The following ZBTB16 variants were observed in gnomAD, a reference collection of about 807,000 sequenced individuals.
ZBTB16 encodes the protein zinc finger and BTB domain-containing protein 16.
In ZBTB16, 8 loss-of-function variants were observed where a neutral mutation model predicts 56.8. The observed-to-expected ratio is 0.14, with a 90% CI of 0.08 to 0.25. ZBTB16 has a LOEUF of 0.25. Among genes scored for constraint, ZBTB16 ranks in the 10% least tolerant of loss-of-function variants. The pLI, the probability that ZBTB16 is intolerant of heterozygous loss-of-function variation, is 1.00. For missense variants in ZBTB16, 625 were observed against 903.0 expected, an observed-to-expected ratio of 0.69 and a Z score of 3.95; for synonymous variants, 363 against 368.5, an observed-to-expected ratio of 0.98 and a Z score of 0.17.
At chr11:114,208,681 G>C (rs1943937200) in intron 4 of ZBTB16, among the ~76,000 whole-genome samples, 1 of 152,096 alleles carries the variant, frequency 6.6e-6, no homozygotes, top group South Asian at 2.1e-4. Flanking sequence ...TCTTCCGTTG[G>C]CTTCTTTTAT....
chr11:114,170,056 G>A (rs954870674), intron 3 of ZBTB16, among the ~76,000 whole-genome samples: 22 of 152,316 alleles, frequency 1.4e-4, no homozygotes, highest in African/African-American at 4.8e-4. Context: ...TTGGCCTGGA[G>A]GTTGAGAAAC....
chr11:114,069,116 C>T (rs994813267), intron 2 of ZBTB16, among the ~76,000 whole-genome samples: 4 of 152,124 alleles, frequency 2.6e-5, no homozygotes, highest in Non-Finnish European at 5.9e-5. Context: ...GATGGAGTCT[C>T]GCTCTGTCTC....
intron 4 of ZBTB16, among the ~76,000 whole-genome samples, chr11:114,227,641 G>A (rs558197022): frequency 3.2e-4 from 49 of 152,274 alleles, no homozygotes; most frequent in African/African-American, 1.2e-3. Flanking sequence ...TCTTGTGGGT[G>A]TCACAGCTGA....
rs182151103 is a variant in ZBTB16, at chr11:114,255,749, A to C, written c.*5194A>C. Among the ~76,000 whole-genome samples the C allele has an allele frequency of 3.1e-3, 475 of 151,974 alleles. 3 individuals are homozygous for C. Among genetic ancestry groups the C allele is most frequent in the African/African-American group, 9.5e-3 (395 of 41,504 alleles). ...AAAAAAAAAAGGAAAAAAAAAGAAA[A>C]AATGAATTTACTGCTGCAGGTTTTT... On this transcript the variant is annotated 3_prime_UTR_variant, in exon 7 of 7. Transcript: ENST00000335953.
At chr11:114,086,396 CT>C (rs1162275529) in intron 2 of ZBTB16, among the ~76,000 whole-genome samples, 1 of 152,104 alleles carries the variant, frequency 6.6e-6, no homozygotes, top group Non-Finnish European at 1.5e-5. Flanking sequence ...GTCTGTCTGT[CT>C]TGGTGCTTGC....
At chr11:114,238,713 C>T (rs1012259944) in intron 4 of ZBTB16, among the ~76,000 whole-genome samples, 7 of 152,146 alleles carry the variant, frequency 4.6e-5, no homozygotes, top group African/African-American at 1.7e-4. Flanking sequence ...CCTGTCCTGC[C>T]TGGCATATGC....
At chr11:114,200,422 G>A (rs1172816748) in intron 4 of ZBTB16, among the ~76,000 whole-genome samples, 4 of 152,182 alleles carry the variant, frequency 2.6e-5, no homozygotes, top group African/African-American at 9.7e-5. Context: ...GATCTTTGAG[G>A]ACTATTATTC....
At chr11:114,235,571 A>G (rs527952388) in intron 4 of ZBTB16, among the ~76,000 whole-genome samples, 1 of 151,514 alleles carries the variant, frequency 6.6e-6, no homozygotes, top group East Asian at 1.9e-4. Context: ...TCTGCCTACT[A>G]TTCCACCCTG....
chr11:114,144,400 C>T (rs1228899989), intron 2 of ZBTB16, among the ~76,000 whole-genome samples: 1 of 152,196 alleles, frequency 6.6e-6, no homozygotes, highest in Non-Finnish European at 1.5e-5. Flanking sequence ...TCTACTGGGG[C>T]ATTTACAGGC....
At chr11:114,185,153 A>C (rs1439003167) in intron 3 of ZBTB16, among the ~76,000 whole-genome samples, 1 of 152,176 alleles carries the variant, frequency 6.6e-6, no homozygotes, top group Non-Finnish European at 1.5e-5. Flanking sequence ...GGCTGCCATT[A>C]AGCTATGACT....
intron 4 of ZBTB16, among the ~76,000 whole-genome samples, chr11:114,232,874 G>A (rs914996377): frequency 6.6e-6 from 1 of 152,102 alleles, no homozygotes; most frequent in Non-Finnish European, 1.5e-5. Flanking sequence ...TGATTTATAC[G>A]GGCAGGCGTC....
rs1944896259 is a variant in ZBTB16 at position 114,250,369 on chromosome 11, G to A, written c.1836G>A (p.Arg612=). The A allele has an allele frequency of 6.2e-7, 1 of 1,613,840 alleles. No homozygotes were observed. The highest frequency in any genetic ancestry group is 8.5e-7 in the Non-Finnish European group (1 of 1,180,030). Residue 612 remains arginine, a synonymous_variant, in exon 7 of 7, where the codon CGG becomes CGA. Transcript: ENST00000335953. The surrounding 1 kb of genome is among the most constrained non-coding windows in gnomAD (Gnocchi z 6.0). The part of the protein sequence containing the change: ...FECKLCHQRS[R]DYSAMIKHLR... The stretch of plus-strand genomic sequence containing the variant: ...GTAAGCTCTGCCACCAGCGCTCCCG[G>A]GACTACTCGGCCATGATCAAGCACC...
chr11:114,156,539 G>A (rs551098472), intron 3 of ZBTB16, 105 bp downstream of exon 3: 13 of 1,047,994 alleles, frequency 1.2e-5, no homozygotes, highest in Non-Finnish European at 1.6e-5. Context: ...CCCACTGCCC[G>A]CTGGGGCCCT....
intron 4 of ZBTB16, among the ~76,000 whole-genome samples, chr11:114,228,734 GCTGT>G (rs1201156364): frequency 2.0e-5 from 3 of 152,234 alleles, no homozygotes. Context: ...CCGCCAGCCT[GCTGT>G]CTGAGGTGGG....
At chr11:114,125,404 A>G (rs1941477593) in intron 2 of ZBTB16, among the ~76,000 whole-genome samples, 1 of 152,166 alleles carries the variant, frequency 6.6e-6, no homozygotes, top group East Asian at 1.9e-4. Context: ...GGTAGGAGAC[A>G]GGTGGTATTA....
intron 4 of ZBTB16, among the ~76,000 whole-genome samples, chr11:114,194,308 T>G (rs754758416): frequency 1.8e-4 from 27 of 152,178 alleles, no homozygotes; most frequent in Non-Finnish European, 3.5e-4. Context: ...GGAAACTATT[T>G]CCAATTCCAG....
Position 114,140,767 on chromosome 11 carries a change from C to A in ZBTB16, c.1269-15570C>A, listed in dbSNP as rs12282852. 2.4e-3 allele frequency among the ~76,000 whole-genome samples: 366 copies of A among 152,288 alleles called. 2 individuals are homozygous for A. The highest frequency in any genetic ancestry group is 7.8e-3 in the African/African-American group (324 of 41,566). ...TTGTTCCAGTCTCTCTTTTCTTGTACCTTCCTAGGGAATAGCAATGTCCTG... is the reference window on the plus strand; with the variant it reads ...TTGTTCCAGTCTCTCTTTTCTTGTAACTTCCTAGGGAATAGCAATGTCCTG... On this transcript the variant is annotated intron_variant, in intron 2 of 6. Transcript: ENST00000335953.
Position 114,196,215 on chromosome 11 carries a change from G to A in ZBTB16, c.1453+9177G>A, listed in dbSNP as rs557202220. 6.6e-4 allele frequency among the ~76,000 whole-genome samples: 101 copies of A among 152,322 alleles called. 1 individual carries two copies. The South Asian group carries it at 8.7e-3, about 13-fold the overall frequency. Reference sequence around the variant, plus strand: ...ACCAGCCTCCAGGAGCACCAGGCCTGTGCCCTTCCACGTCTTAAGAGGAGG... The same window carrying A: ...ACCAGCCTCCAGGAGCACCAGGCCTATGCCCTTCCACGTCTTAAGAGGAGG... On this transcript the variant is annotated intron_variant, in intron 4 of 6. Transcript: ENST00000335953.
At chr11:114,115,901 G>A (rs1161336331) in intron 2 of ZBTB16, among the ~76,000 whole-genome samples, 1 of 152,198 alleles carries the variant, frequency 6.6e-6, no homozygotes, top group Non-Finnish European at 1.5e-5. Context: ...TAACTTTAGG[G>A]GACTGTGCCC....
Sources: allele counts gnomAD v4.1 joint callset (sites outside exome capture counted in the v4.1 genomes callset), GRCh38; gene constraint gnomAD v4.1.1; non-coding constraint Gnocchi (gnomAD v3.1); transcripts MANE v1.5; gene names NCBI Gene and HGNC (gene_info 2026-07-23, HGNC 2026-07-21).